Variants in CSMD1 observed in about 807,000 individuals in gnomAD.
The protein encoded by CSMD1 is CUB and Sushi multiple domains 1.
A neutral mutation model predicts 417.5 loss-of-function variants in CSMD1; 213 were observed. That is an observed-to-expected ratio of 0.51 (90% CI 0.46 to 0.57). The LOEUF (loss-of-function observed/expected upper bound fraction) is 0.57. Among genes scored for constraint, CSMD1 ranks in the 20% least tolerant of loss-of-function variants. The pLI is 0.00. For synonymous variants in CSMD1, 2,862 were observed against 1,736.8 expected (o/e 1.65, Z -16.11); for missense variants, 6,923 against 4,529.7 (o/e 1.53, Z -15.17).
intron 2 of CSMD1, among the ~76,000 whole-genome samples, chr8:4,493,676 G>A (rs1283418938): frequency 1.3e-5 from 2 of 152,132 alleles, no homozygotes; most frequent in African/African-American, 2.4e-5. Context: ...GATCGAGTGA[G>A]AGAGTGCAAC....
In CSMD1 at chr8:3,308,484, A is replaced by G. The variant is rs1464824332; in HGVS notation, c.3651T>C (p.Cys1217=). 3 of 1,612,354 alleles carry G rather than the reference A, an allele frequency of 1.9e-6. No individual in the cohort carries two copies. The highest frequency in any genetic ancestry group is 1.7e-5 in the Admixed American group (1 of 59,886). The change falls in exon 24 of 70, where the codon TGT becomes TGC. Residue 1217 remains cysteine, a synonymous_variant. Coordinates refer to ENST00000635120, the MANE Select transcript of CSMD1 (RefSeq NM_033225.6). Reference sequence around the variant, plus strand: ...CGTAGTTAGGGATGCCCGGATCCTCACATTTTACCAGATCAAAACCTGCAA... The same window carrying G: ...CGTAGTTAGGGATGCCCGGATCCTCGCATTTTACCAGATCAAAACCTGCAA... ...LTYTSFDLVK[C]EDPGIPNYGY...
intron 2 of CSMD1, among the ~76,000 whole-genome samples, chr8:4,608,568 G>A (rs1333604694): frequency 1.3e-5 from 2 of 152,172 alleles, no homozygotes; most frequent in East Asian, 3.9e-4. Flanking sequence ...CTGCTCCATC[G>A]TCAAGATAAG....
At chr8:3,166,804 G>GT (rs1820249310) in intron 37 of CSMD1, among the ~76,000 whole-genome samples, 1 of 151,896 alleles carries the variant, frequency 6.6e-6, no homozygotes, top group African/African-American at 2.4e-5. Flanking sequence ...CTCACAAAAC[G>GT]TAACTATGAT....
At chr8:3,477,413 T>C (rs1817494765) in intron 11 of CSMD1, among the ~76,000 whole-genome samples, 1 of 152,170 alleles carries the variant, frequency 6.6e-6, no homozygotes, top group Non-Finnish European at 1.5e-5. Flanking sequence ...GTTCAGAATG[T>C]GGAGAAAGCA....
chr8:3,871,489 G>T (rs1158315883), intron 5 of CSMD1, among the ~76,000 whole-genome samples: 1 of 152,006 alleles, frequency 6.6e-6, no homozygotes, highest in African/African-American at 2.4e-5. Context: ...TATTTTCATA[G>T]ACTTAATAAA....
intron 1 of CSMD1, among the ~76,000 whole-genome samples, chr8:4,868,871 G>C (rs1163669744): frequency 6.6e-6 from 1 of 152,014 alleles, no homozygotes; most frequent in African/African-American, 2.4e-5. Context: ...TGATTTTTGA[G>C]AGGATTGAAT....
intron 2 of CSMD1, among the ~76,000 whole-genome samples, chr8:4,506,205 A>G (rs62479719): frequency 0.06 from 9,186 of 152,228 alleles, 304 homozygotes; most frequent in Middle Eastern, 0.099. Flanking sequence ...AATGACAATT[A>G]CTTTTACACC....
Position 3,178,093 on chromosome 8 carries a change from A to T in CSMD1, c.5725+3017T>A, listed in dbSNP as rs533966230. On this transcript the variant is annotated intron_variant, in intron 37 of 69. Transcript: ENST00000635120. The stretch of plus-strand genomic sequence containing the variant: ...ATTACAAAGAATCTAGGTCATATAC[A>T]TTAAACCAGAGGATTCTGTAAGATC... 4.6e-5 allele frequency among the ~76,000 whole-genome samples: 7 copies of T among 152,330 alleles called. No individual in the cohort carries two copies. The South Asian group carries it at 1.5e-3, about 32-fold the overall frequency.
At chr8:3,827,558 T>C (rs1447495917) in intron 5 of CSMD1, among the ~76,000 whole-genome samples, 2 of 152,226 alleles carry the variant, frequency 1.3e-5, no homozygotes, top group African/African-American at 4.8e-5. Context: ...TGTTTTCTGC[T>C]AGATCAAAGC....
intron 7 of CSMD1, among the ~76,000 whole-genome samples, chr8:3,662,156 G>A (rs2117459514): frequency 6.6e-6 from 1 of 152,290 alleles, no homozygotes; most frequent in African/African-American, 2.4e-5. Context: ...AGGCTATAGA[G>A]ATAGCTCACC....
At chr8:4,881,441 ATCTATCTATCTATCTATCTATCT>A (rs1803390806) in intron 1 of CSMD1, among the ~76,000 whole-genome samples, 1 of 46,746 alleles carries the variant, frequency 2.1e-5, no homozygotes, top group African/African-American at 4.2e-5. Flanking sequence ...CTATCTATCT[ATCTATCTATCTATCTATCTATCT>A]TGTCTCCCTA....
intron 1 of CSMD1, among the ~76,000 whole-genome samples, chr8:4,705,323 C>T (rs2116837654): frequency 6.6e-6 from 1 of 152,148 alleles, no homozygotes; most frequent in South Asian, 2.1e-4. Context: ...GTTCTATGTT[C>T]TAGAGACTCC....
At chr8:3,277,658 G>C (rs930354776) in intron 26 of CSMD1, among the ~76,000 whole-genome samples, 10 of 152,164 alleles carry the variant, frequency 6.6e-5, no homozygotes, top group Non-Finnish European at 1.2e-4. Context: ...CATGAACAAG[G>C]ACTGTGGTTG....
At chr8:4,104,741 C>T (rs1436577366) in intron 3 of CSMD1, among the ~76,000 whole-genome samples, 2 of 152,084 alleles carry the variant, frequency 1.3e-5, no homozygotes, top group African/African-American at 2.4e-5. Flanking sequence ...GGTCAGAGCC[C>T]GGGGAAAAGC....
chr8:4,318,022 A>T (rs573462697), intron 3 of CSMD1, among the ~76,000 whole-genome samples: 1 of 152,252 alleles, frequency 6.6e-6, no homozygotes, highest in African/African-American at 2.4e-5. Context: ...TCCAGGAGTA[A>T]TTCTATTAGC....
At chr8:4,201,166 G>C (rs1035567763) in intron 3 of CSMD1, among the ~76,000 whole-genome samples, 1 of 152,168 alleles carries the variant, frequency 6.6e-6, no homozygotes, top group African/African-American at 2.4e-5. Context: ...CTACTGTAAG[G>C]ATTAAGTACT....
chr8:4,867,339 C>T (rs966536127), intron 1 of CSMD1, among the ~76,000 whole-genome samples: 1 of 151,952 alleles, frequency 6.6e-6, no homozygotes, highest in Admixed American at 6.6e-5. Context: ...GAAGAGCATT[C>T]GATTAATTTC....
chr8:3,396,250 A>T lies in CSMD1; in HGVS notation c.2537T>A (p.Leu846Gln). The stretch of plus-strand genomic sequence containing the variant: ...GCGGCTGTTGTCAGTGGTGAACAGC[A>T]GGTACATGAAGTTCCCGGTGCTGAT... The part of the protein sequence containing the change: ...FLISTGNFMY[L>Q]LFTTDNSRSS... The change falls in exon 17 of 70, where the codon CTG (leucine) becomes CAG (glutamine). Residue 846 changes from leucine (L) to glutamine (Q), a missense_variant. Physicochemically the swap from Leu to Gln is moderately radical, Grantham distance 113. Transcript: ENST00000635120. 1 of 1,580,858 alleles carries T rather than the reference A, an allele frequency of 6.3e-7. No individual in the cohort carries two copies.
chr8:3,289,700 G>A (rs1803409280), intron 25 of CSMD1, among the ~76,000 whole-genome samples: 1 of 147,152 alleles, frequency 6.8e-6, no homozygotes, highest in Middle Eastern at 3.4e-3. Flanking sequence ...AAATTTGTTG[G>A]AGTTCATTGT....
Sources: allele counts gnomAD v4.1 joint callset (sites outside exome capture counted in the v4.1 genomes callset), GRCh38; gene constraint gnomAD v4.1.1; transcripts MANE v1.5; gene names NCBI Gene and HGNC (gene_info 2026-07-23, HGNC 2026-07-21).